ADGRB3: variants seen among roughly 807,000 people sequenced by gnomAD.
ADGRB3 encodes adhesion G protein-coupled receptor B3.
Under a neutral mutation model 193.4 loss-of-function variants are expected in ADGRB3, and 37 were observed. That is an observed-to-expected ratio of 0.19 (90% CI 0.15 to 0.25). ADGRB3 has a LOEUF of 0.25. Ranked by LOEUF, ADGRB3 falls within the 10% of genes least tolerant of loss-of-function variation. The probability of loss-of-function intolerance (pLI) is 1.00; values close to 1 mark genes in which losing one functional copy is unlikely to be tolerated. For synonymous variants in ADGRB3, 690 were observed against 644.2 expected (o/e 1.07, Z -1.08); for missense variants, 1,637 against 1,852.9 (o/e 0.88, Z 2.14).
intron 17 of ADGRB3, among the ~76,000 whole-genome samples, chr6:69,218,068 C>CA (rs556270079): frequency 0.37 from 30,091 of 81,018 alleles, 3,720 homozygotes; most frequent in Middle Eastern, 0.5. Flanking sequence ...CTCCAGCTGA[C>CA]AAAAAAAAAA....
chr6:68,915,583 T>G (rs975813226), intron 3 of ADGRB3, among the ~76,000 whole-genome samples: 3 of 152,176 alleles, frequency 2.0e-5, no homozygotes, highest in Non-Finnish European at 4.4e-5. Flanking sequence ...TAAGTGTTGT[T>G]GCGTAGACAG....
chr6:68,644,997 T>A (rs1768167235), intron 3 of ADGRB3, among the ~76,000 whole-genome samples: 1 of 152,172 alleles, frequency 6.6e-6, no homozygotes, highest in South Asian at 2.1e-4. Context: ...CATGTTTTCT[T>A]TTACTTCCTT....
intron 10 of ADGRB3, among the ~76,000 whole-genome samples, chr6:68,979,678 G>A (rs1236601183): frequency 1.3e-5 from 2 of 151,260 alleles, no homozygotes; most frequent in Non-Finnish European, 3.0e-5. Context: ...CAGAATTCTT[G>A]AAAAATAGGC....
chr6:68,864,864 T>C (rs1366361581), intron 3 of ADGRB3, among the ~76,000 whole-genome samples: 1 of 146,300 alleles, frequency 6.8e-6, no homozygotes, highest in Non-Finnish European at 1.5e-5. Context: ...TTGTAAGACA[T>C]TATAAATGTA....
At chr6:69,323,950 G>T (rs746826023) in intron 20 of ADGRB3, among the ~76,000 whole-genome samples, 1 of 151,830 alleles carries the variant, frequency 6.6e-6, no homozygotes, top group African/African-American at 2.4e-5. Context: ...TCTTTGTTTT[G>T]CCATTTTCCG....
chr6:69,353,596 A>G (rs779570433), intron 26 of ADGRB3, among the ~76,000 whole-genome samples: 2 of 152,254 alleles, frequency 1.3e-5, no homozygotes. Context: ...AAAGACACAC[A>G]TATTACGTAC....
rs145705937 is a variant in ADGRB3, at chr6:68,734,026, A to G, written c.757+94594A>G. Among the ~76,000 whole-genome samples, 164 of 152,144 alleles carry G rather than the reference A, an allele frequency of 1.1e-3. 1 individual carries two copies. Among genetic ancestry groups the G allele is most frequent in the African/African-American group, 2.7e-3 (113 of 41,556 alleles). On this transcript the variant is annotated intron_variant, in intron 3 of 31. Transcript: ENST00000370598. ...TAAAAAAGTTTAAAAATAATAAAAT[A>G]TATTGAAAGAACAAAGAATGTTAAT...
At chr6:69,210,840 G>T (rs561681492) in intron 17 of ADGRB3, among the ~76,000 whole-genome samples, 1 of 152,216 alleles carries the variant, frequency 6.6e-6, no homozygotes, top group Non-Finnish European at 1.5e-5. Flanking sequence ...GAACGGCCAG[G>T]CATGGTGGCT....
intron 13 of ADGRB3, among the ~76,000 whole-genome samples, chr6:69,046,740 T>C (rs1419264165): frequency 6.6e-6 from 1 of 152,198 alleles, no homozygotes; most frequent in Non-Finnish European, 1.5e-5. Flanking sequence ...CCAATTTAAT[T>C]TGAAACTAAG....
At chr6:68,882,286 G>A (rs1230534408) in intron 3 of ADGRB3, among the ~76,000 whole-genome samples, 1 of 152,144 alleles carries the variant, frequency 6.6e-6, no homozygotes, top group East Asian at 1.9e-4. Context: ...CTTTGAAGTA[G>A]TGACTCAATA....
chr6:68,928,949 T>C (rs1176374299), intron 3 of ADGRB3, among the ~76,000 whole-genome samples: 1 of 152,162 alleles, frequency 6.6e-6, no homozygotes, highest in Non-Finnish European at 1.5e-5. Flanking sequence ...TATTTGAAAA[T>C]ATTGGATAGT....
chr6:68,975,294 G>A lies in ADGRB3; in HGVS notation c.1688G>A (p.Ser563Asn). The change falls in exon 10 of 32, where the codon AGC becomes AAC. Residue 563 changes from serine to asparagine, a missense_variant. Coordinates refer to ENST00000370598, the MANE Select transcript of ADGRB3 (RefSeq NM_001704.3). Reference protein sequence around the residue: ...LHGVAFWEQPSFARCISNEYR... With the variant: ...LHGVAFWEQPNFARCISNEYR... Reference sequence around the variant, plus strand: ...GGAGTGGCCTTCTGGGAACAGCCGAGCTTTGCAAGATGCATATCAAATGAG... The same window carrying A: ...GGAGTGGCCTTCTGGGAACAGCCGAACTTTGCAAGATGCATATCAAATGAG... 6.2e-7 allele frequency: 1 copy of A among 1,614,058 alleles called. No homozygotes were observed. Among genetic ancestry groups the A allele is most frequent in the Middle Eastern group, 1.7e-4 (1 of 6,058 alleles).
intron 3 of ADGRB3, among the ~76,000 whole-genome samples, chr6:68,781,736 A>G (rs1766857262): frequency 6.6e-6 from 1 of 152,092 alleles, no homozygotes; most frequent in African/African-American, 2.4e-5. Context: ...CTACCTGCTT[A>G]GAGCTGGAGG....
At chr6:69,136,786 A>G (rs1774162258) in intron 17 of ADGRB3, among the ~76,000 whole-genome samples, 1 of 152,028 alleles carries the variant, frequency 6.6e-6, no homozygotes, top group Non-Finnish European at 1.5e-5. Context: ...GTAACAGTTT[A>G]TTTTTATGCA....
chr6:68,831,775 G>A (rs1386794790), intron 3 of ADGRB3, among the ~76,000 whole-genome samples: 1 of 152,118 alleles, frequency 6.6e-6, no homozygotes, highest in East Asian at 1.9e-4. Flanking sequence ...AATAAGTTGT[G>A]CCCCCAAAGT....
intron 3 of ADGRB3, among the ~76,000 whole-genome samples, chr6:68,876,432 G>GAC (rs1424412071): frequency 6.6e-6 from 1 of 152,144 alleles, no homozygotes; most frequent in Non-Finnish European, 1.5e-5. Context: ...TCTGAAAGGT[G>GAC]ACACTAGTCC....
At chr6:68,650,485 C>T (rs1437321399) in intron 3 of ADGRB3, among the ~76,000 whole-genome samples, 1 of 151,594 alleles carries the variant, frequency 6.6e-6, no homozygotes, top group Non-Finnish European at 1.5e-5. Context: ...TGTGAGCTGA[C>T]AAAAACAAAT....
At chr6:69,229,575 A>C (rs1398350714) in intron 17 of ADGRB3, among the ~76,000 whole-genome samples, 1 of 152,206 alleles carries the variant, frequency 6.6e-6, no homozygotes, top group Non-Finnish European at 1.5e-5. Flanking sequence ...TATTATGAAG[A>C]GAATAAACAG....
Position 69,057,753 on chromosome 6 carries a change from G to A in ADGRB3, c.2334-5181G>A, listed in dbSNP as rs535425798. The stretch of plus-strand genomic sequence containing the variant: ...TTACACTGATTGATTCTCATTTGTG[G>A]AAACATCTTTGCATTTCAGAAATAA... On this transcript the variant is annotated intron_variant, in intron 15 of 31. Coordinates refer to ENST00000370598, the MANE Select transcript of ADGRB3 (RefSeq NM_001704.3). 7.2e-5 allele frequency among the ~76,000 whole-genome samples: 11 copies of A among 152,020 alleles called. No homozygotes were observed. The East Asian group carries it at 1.9e-3, about 27-fold the overall frequency.
Sources: allele counts gnomAD v4.1 joint callset (sites outside exome capture counted in the v4.1 genomes callset), GRCh38; gene constraint gnomAD v4.1.1; transcripts MANE v1.5; gene names NCBI Gene and HGNC (gene_info 2026-07-23, HGNC 2026-07-21).